Variants in CRMP1 observed in about 807,000 individuals in gnomAD.
The protein encoded by CRMP1 is collapsin response mediator protein 1, also known as dihydropyrimidinase-related protein 1.
In CRMP1, 19 loss-of-function variants were observed where a neutral mutation model predicts 68.3. That is an observed-to-expected ratio of 0.28 (90% CI 0.19 to 0.41). The LOEUF is 0.41. CRMP1 is among the 10% of genes least tolerant of loss of function. The pLI, the probability that CRMP1 is intolerant of heterozygous loss-of-function variation, is 1.00. For synonymous variants in CRMP1, 439 were observed against 399.6 expected (o/e 1.10, Z -1.18); for missense variants, 791 against 967.4 (o/e 0.82, Z 2.42).
At chr4:5,827,736 C>CACAG (rs1719905602) in intron 12 of CRMP1, among the ~76,000 whole-genome samples, 2 of 144,606 alleles carry the variant, frequency 1.4e-5, no homozygotes, top group South Asian at 4.3e-4. Context: ...TGCGCGTGCA[C>CACAG]ACACACACAC....
rs58583102 is a variant in CRMP1, at chr4:5,891,175, T to TACACACACACACACACACACACACAC, written c.381+1388_381+1413dup. On this transcript the variant is annotated intron_variant, in intron 1 of 13. Coordinates refer to ENST00000324989, the MANE Select transcript of CRMP1 (RefSeq NM_001014809.3). This position sits in a 1 kb window ranked among gnomAD's most constrained non-coding sequence, Gnocchi z 5.2. ...TGATCACCCCACCACCACACACACA[T>TACACACACACACACACACACACACAC]ACACACACACACACACACACACACA... is the stretch of plus-strand genomic sequence containing the variant. Among the ~76,000 whole-genome samples the TACACACACACACACACACACACACAC allele has an allele frequency of 1.4e-3, 186 of 132,046 alleles. 4 individuals are homozygous for TACACACACACACACACACACACACAC. Among genetic ancestry groups the TACACACACACACACACACACACACAC allele is most frequent in the Middle Eastern group, 4.0e-3 (1 of 250 alleles). The allele number at this position is 132,046 out of a possible 152,430, so 86.6% of individuals were successfully genotyped here. A position where few individuals can be genotyped will look rare whatever the true frequency, so the allele number is the denominator to read the frequency against.
chr4:5,866,256 G>A lies in CRMP1; in HGVS notation c.470+412C>T, dbSNP rs1713992886. 6.6e-6 allele frequency among the ~76,000 whole-genome samples: 1 copy of A among 152,194 alleles called. No individual in the cohort carries two copies. The highest frequency in any genetic ancestry group is 2.1e-4 in the South Asian group (1 of 4,828). On this transcript the variant is annotated intron_variant, in intron 2 of 13. Coordinates refer to ENST00000324989, the MANE Select transcript of CRMP1 (RefSeq NM_001014809.3). This position sits in a 1 kb window ranked among gnomAD's most constrained non-coding sequence, Gnocchi z 5.9. The stretch of plus-strand genomic sequence containing the variant: ...TCTCCTCAACCCAATTCCAGAAACT[G>A]TGGGTAGGTGGAAGAAAGAGCTGTG...
intron 9 of CRMP1, 83 bp from the exon 10 acceptor site, chr4:5,836,989 C>T (rs963620822): frequency 2.7e-6 from 4 of 1,459,578 alleles, no homozygotes; most frequent in African/African-American, 1.4e-5. Flanking sequence ...ACATGCAGCA[C>T]AGCCAGTGAA....
rs148593249 is a variant in CRMP1, at chr4:5,883,655, GACAC to G, written c.381+8930_381+8933del. Among the ~76,000 whole-genome samples the G allele has an allele frequency of 2.7e-4, 40 of 149,684 alleles. No individual in the cohort carries two copies. The highest frequency in any genetic ancestry group is 1.5e-3 in the Admixed American group (22 of 15,036). ...AGATGGCAAGATAATTAAGGTCAGG[GACAC>G]ACACACACACACACACACACATGCT... On this transcript the variant is annotated intron_variant, in intron 1 of 13. Coordinates refer to ENST00000324989, the MANE Select transcript of CRMP1 (RefSeq NM_001014809.3). The surrounding 1 kb of genome is among the most constrained non-coding windows in gnomAD (Gnocchi z 4.5).
chr4:5,824,703 C>G (rs1719263267), intron 13 of CRMP1: 1 of 976,618 alleles, frequency 1.0e-6, no homozygotes. Flanking sequence ...GCTTACAAAG[C>G]CTAAAGTATT....
rs1715998803 is a variant in CRMP1 at position 5,892,532 on chromosome 4, C to G, written c.381+57G>C. The G allele has an allele frequency of 4.5e-5, 52 of 1,160,882 alleles. No homozygotes were observed. Among genetic ancestry groups the G allele is most frequent in the Non-Finnish European group, 5.4e-5 (51 of 942,184 alleles). The allele number at this position is 1,160,882 out of a possible 1,614,324, so 71.9% of individuals were successfully genotyped here. On this transcript the variant is annotated intron_variant, in intron 1 of 13. Transcript: ENST00000324989. This position sits in a 1 kb window ranked among gnomAD's most constrained non-coding sequence, Gnocchi z 8.6. Reference sequence around the variant, plus strand: ...GGCATGGCCCTCGGGCGCCCCATGCCCTGGGTCCTCCCGGGGCCCGCCCCC... The same window carrying G: ...GGCATGGCCCTCGGGCGCCCCATGCGCTGGGTCCTCCCGGGGCCCGCCCCC...
Position 5,892,605 on chromosome 4 carries a change from C to T in CRMP1, c.365G>A (p.Gly122Asp). The T allele has an allele frequency of 8.4e-7, 1 of 1,185,968 alleles. No individual in the cohort carries two copies. Among genetic ancestry groups the T allele is most frequent in the Non-Finnish European group, 1.0e-6 (1 of 958,338 alleles). 73.5% of individuals were successfully genotyped at this position (1,185,968 alleles called of 1,614,324 possible). A position where few individuals can be genotyped will look rare whatever the true frequency, so the allele number is the denominator to read the frequency against. The change falls in exon 1 of 14, where the codon GGC becomes GAC. Residue 122 changes from glycine (G) to aspartate (D), a missense_variant. Transcript: ENST00000324989. This position sits in a 1 kb window ranked among gnomAD's most constrained non-coding sequence, Gnocchi z 8.6. ...CGAGGGTACCTGGCCATTGTCCCGG[C>T]CGAGGGGCAGGTCGCGGGGCGCGGG... ...RRPAPRDLPL[G>D]RDNGQSDRLL...
intron 10 of CRMP1, 79 bp downstream of exon 10, chr4:5,836,686 C>G: frequency 1.9e-6 from 3 of 1,604,572 alleles, no homozygotes; most frequent in Non-Finnish European, 2.6e-6. Context: ...TTTTAAGAAC[C>G]CAGCGTGCAT....
Position 5,843,284 on chromosome 4 carries a change from T to C in CRMP1, c.964-123A>G, listed in dbSNP as rs1711927486. On this transcript the variant is annotated intron_variant, in intron 6 of 13. Coordinates refer to ENST00000324989, the MANE Select transcript of CRMP1 (RefSeq NM_001014809.3). The surrounding 1 kb of genome is among the most constrained non-coding windows in gnomAD (Gnocchi z 4.1). ...TCCCAAAGAGGCGAGTGGCTTGCAC[T>C]AGGTTAACAGTGTGCGGGGTGGGGG... The C allele has an allele frequency of 5.7e-6, 5 of 883,600 alleles. No homozygotes were observed. The highest frequency in any genetic ancestry group is 4.5e-5 in the South Asian group (3 of 67,214). The allele number at this position is 883,600 out of a possible 1,614,324, so 54.7% of individuals were successfully genotyped here.
In CRMP1 at chr4:5,843,518, G is replaced by C. The variant is rs10024363; in HGVS notation, c.964-357C>G. Reference sequence around the variant, plus strand: ...TCCTCTGGGAAGAAACGTGGTGTTTGGGTACAACATGGATATCTTCAACTA... The same window carrying C: ...TCCTCTGGGAAGAAACGTGGTGTTTCGGTACAACATGGATATCTTCAACTA... On this transcript the variant is annotated intron_variant, in intron 6 of 13. Coordinates refer to ENST00000324989, the MANE Select transcript of CRMP1 (RefSeq NM_001014809.3). The surrounding 1 kb of genome is among the most constrained non-coding windows in gnomAD (Gnocchi z 4.1). 0.43 allele frequency among the ~76,000 whole-genome samples: 64,591 copies of C among 151,902 alleles called. 13,955 individuals are homozygous for C. The highest frequency in any genetic ancestry group is 0.48 in the African/African-American group (19,752 of 41,420).
rs1715392495 is a variant in CRMP1, at chr4:5,883,902, T to A, written c.381+8687A>T. On this transcript the variant is annotated intron_variant, in intron 1 of 13. Transcript: ENST00000324989. This position sits in a 1 kb window ranked among gnomAD's most constrained non-coding sequence, Gnocchi z 4.5. The stretch of plus-strand genomic sequence containing the variant: ...TTAAGGTGGTATAGTTACGTCACTT[T>A]CACTTTTATGTCCCCTCTGAGACAT... 6.6e-6 allele frequency among the ~76,000 whole-genome samples: 1 copy of A among 152,248 alleles called. No homozygotes were observed. The highest frequency in any genetic ancestry group is 1.5e-5 in the Non-Finnish European group (1 of 68,046).
At chr4:5,857,657 G>C (rs1437082732) in intron 3 of CRMP1, among the ~76,000 whole-genome samples, 3 of 152,116 alleles carry the variant, frequency 2.0e-5, no homozygotes, top group Non-Finnish European at 2.9e-5. Flanking sequence ...TGAAAAACTT[G>C]AGGCTCAAAG....
chr4:5,857,552 T>A (rs550631921), intron 3 of CRMP1, among the ~76,000 whole-genome samples: 1 of 152,332 alleles, frequency 6.6e-6, no homozygotes, highest in African/African-American at 2.4e-5. Context: ...TGCTTACTAT[T>A]TGTCAGATAA....
In CRMP1 at chr4:5,870,669, T is replaced by A. The variant is rs1714373987; in HGVS notation, c.382-3913A>T. ...AGGAAGACCAGTGTGAAGAGGCACATCCCGTTCTTCAGCAGGAGGGTCTCT... is the reference window on the plus strand; with the variant it reads ...AGGAAGACCAGTGTGAAGAGGCACAACCCGTTCTTCAGCAGGAGGGTCTCT... On this transcript the variant is annotated intron_variant, in intron 1 of 13. Transcript: ENST00000324989. This position sits in a 1 kb window ranked among gnomAD's most constrained non-coding sequence, Gnocchi z 6.0. Among the ~76,000 whole-genome samples, 1 of 152,134 alleles carries A rather than the reference T, an allele frequency of 6.6e-6. No individual in the cohort carries two copies. Among genetic ancestry groups the A allele is most frequent in the African/African-American group, 2.4e-5 (1 of 41,430 alleles).
At chr4:5,824,903 A>T in intron 13 of CRMP1, 1 of 985,446 alleles carries the variant, frequency 1.0e-6, no homozygotes, top group Non-Finnish European at 1.2e-6. Context: ...TAAGAAAGTC[A>T]GGAGGGATCA....
At chr4:5,868,302 T>C (rs1283684411) in intron 1 of CRMP1, among the ~76,000 whole-genome samples, 229 of 126,860 alleles carry the variant, frequency 1.8e-3, no homozygotes, top group African/African-American at 4.1e-3. Flanking sequence ...TATATATATA[T>C]ACATAATTTT....
Position 5,861,510 on chromosome 4 carries a change from A to G in CRMP1, c.471-300T>C, listed in dbSNP as rs1275684222. ...GGCTTCCAGGTGGAGGGGGTGGCAG[A>G]GCTGAATCCAACAGAAGTGAGCCCA... is the stretch of plus-strand genomic sequence containing the variant. On this transcript the variant is annotated intron_variant, in intron 2 of 13. Transcript: ENST00000324989. The surrounding 1 kb of genome is among the most constrained non-coding windows in gnomAD (Gnocchi z 6.0). Among the ~76,000 whole-genome samples the G allele has an allele frequency of 6.6e-6, 1 of 152,184 alleles. No individual in the cohort carries two copies. The highest frequency in any genetic ancestry group is 2.4e-5 in the African/African-American group (1 of 41,436).
intron 9 of CRMP1, 118 bp downstream of exon 9, chr4:5,839,404 G>A (rs958441701): frequency 1.2e-4 from 155 of 1,287,652 alleles, no homozygotes; most frequent in Non-Finnish European, 1.4e-4. Flanking sequence ...TGCAGAGCAC[G>A]GGGCAGAGCC....
intron 11 of CRMP1, among the ~76,000 whole-genome samples, chr4:5,831,960 CGTG>C (rs1720410415): frequency 6.6e-6 from 1 of 152,172 alleles, no homozygotes; most frequent in East Asian, 1.9e-4. Context: ...ATAAACTAAA[CGTG>C]GTCCATCCCT....
Sources: allele counts gnomAD v4.1 joint callset (sites outside exome capture counted in the v4.1 genomes callset), GRCh38; gene constraint gnomAD v4.1.1; non-coding constraint Gnocchi (gnomAD v3.1); transcripts MANE v1.5; gene names NCBI Gene and HGNC (gene_info 2026-07-23, HGNC 2026-07-21).